EDA: variants seen among roughly 807,000 people sequenced by gnomAD.
EDA encodes ectodysplasin-A.
In EDA, 2 loss-of-function variants were observed where a neutral mutation model predicts 23.6. The ratio of observed to expected loss-of-function variants is 0.08; its 90% CI spans 0.03 to 0.27. EDA has a LOEUF of 0.27. EDA is among the 10% of genes least tolerant of loss of function. The pLI is 1.00. For missense variants in EDA, 229 were observed against 324.2 expected (o/e 0.71, Z 2.26); for synonymous variants, 131 against 132.0 (o/e 0.99, Z 0.05).
intron 1 of EDA, among the ~76,000 whole-genome samples, chrX:69,658,595 TCTCAACATCA>T (rs957840443): frequency 9.0e-6 from 1 of 111,369 alleles, no homozygotes; most frequent in Admixed American, 9.7e-5. Context: ...CTTCTCAAAC[TCTCAACATCA>T]CTGCCCACAT....
intron 2 of EDA, among the ~76,000 whole-genome samples, chrX:69,982,840 T>C (rs2019433019): frequency 1.2e-5 from 1 of 81,453 alleles, no homozygotes; most frequent in Non-Finnish European, 2.4e-5. Flanking sequence ...TTGATCTGTC[T>C]AATGTTGACA....
intron 1 of EDA, among the ~76,000 whole-genome samples, chrX:69,642,181 A>G (rs767851621): frequency 3.6e-5 from 4 of 111,122 alleles, no homozygotes; most frequent in Non-Finnish European, 7.6e-5. Context: ...GCAATGTCCT[A>G]TAGTGCAAAA....
chrX:69,994,980 A>C (rs1255686055), intron 2 of EDA, among the ~76,000 whole-genome samples: 1 of 112,514 alleles, frequency 8.9e-6, no homozygotes, highest in Non-Finnish European at 1.9e-5. Context: ...AGTATCAAAT[A>C]AAATGGGAAC....
intron 2 of EDA, among the ~76,000 whole-genome samples, chrX:69,993,572 T>G (rs2019618935): frequency 8.9e-6 from 1 of 112,429 alleles, no homozygotes; most frequent in African/African-American, 3.2e-5. Context: ...TAAATTCAGG[T>G]CTGTCTGATT....
chrX:69,655,113 A>C (rs1248976696), intron 1 of EDA, among the ~76,000 whole-genome samples: 1 of 112,067 alleles, frequency 8.9e-6, no homozygotes. Flanking sequence ...ATAAAACAAT[A>C]GGCTGGGCGC....
intron 1 of EDA, among the ~76,000 whole-genome samples, chrX:69,699,211 G>C (rs776773162): frequency 1.8e-5 from 2 of 111,624 alleles, no homozygotes; most frequent in Non-Finnish European, 3.8e-5. Context: ...ACCCGACATG[G>C]AAAGAGTTGT....
At chrX:69,636,446 C>T (rs923447618) in intron 1 of EDA, among the ~76,000 whole-genome samples, 15 of 109,921 alleles carry the variant, frequency 1.4e-4, no homozygotes, top group Admixed American at 1.2e-3. Flanking sequence ...TCAGGTATTA[C>T]TTTATAGTAA....
At chrX:69,863,623 GTA>G in intron 1 of EDA, among the ~76,000 whole-genome samples, 1 of 72,015 alleles carries the variant, frequency 1.4e-5, no homozygotes, top group Admixed American at 1.5e-4. Context: ...ATATATGTGT[GTA>G]TTTATGTGTG....
At chrX:69,616,747 G>T (rs1931974178) in intron 1 of EDA, 43 bp downstream of exon 1, 1 of 1,207,585 alleles carries the variant, frequency 8.3e-7, no homozygotes. Context: ...CTCCCCTCGC[G>T]GGTAGGGCGA....
chrX:70,018,361 A>G (rs2019981692), intron 2 of EDA, among the ~76,000 whole-genome samples: 1 of 112,305 alleles, frequency 8.9e-6, no homozygotes. Flanking sequence ...TTTAAAATTC[A>G]TATGGAACCA....
rs1288062110 is a variant in EDA, at chrX:70,039,252, C to G, written c.*3643C>G. ...TTTCAGGACTCTCTCCAGGAGGGCT[C>G]GGGGTGTGTCATTTCTATATTCCTC... On this transcript the variant is annotated 3_prime_UTR_variant, in exon 8 of 8. Coordinates refer to ENST00000374552, the MANE Select transcript of EDA (RefSeq NM_001399.5). The G allele has an allele frequency of 9.0e-6, 1 of 111,356 alleles. No individual in the cohort carries two copies. The highest frequency in any genetic ancestry group is 1.9e-5 in the Non-Finnish European group (1 of 53,027). 9.2% of individuals were successfully genotyped at this position (111,356 alleles called of 1,213,427 possible). A position where few individuals can be genotyped will look rare whatever the true frequency, so the allele number is the denominator to read the frequency against.
chrX:69,626,666 T>G (rs988349173), intron 1 of EDA, among the ~76,000 whole-genome samples: 1 of 111,346 alleles, frequency 9.0e-6, no homozygotes, highest in African/African-American at 3.3e-5. Flanking sequence ...TAACTGAATA[T>G]GGGCATAAGG....
At chrX:69,743,532 A>G (rs1487990236) in intron 1 of EDA, among the ~76,000 whole-genome samples, 6 of 111,943 alleles carry the variant, frequency 5.4e-5, no homozygotes, top group Non-Finnish European at 1.1e-4. Context: ...GGCTAAGATC[A>G]TGTAACAAGT....
chrX:69,802,279 C>A (rs2015709381), intron 1 of EDA, among the ~76,000 whole-genome samples: 1 of 109,020 alleles, frequency 9.2e-6, no homozygotes, highest in African/African-American at 3.3e-5. Context: ...TATAATGGAA[C>A]AGTTTATATA....
At chrX:69,855,267 G>A (rs2017220593) in intron 1 of EDA, among the ~76,000 whole-genome samples, 2 of 111,618 alleles carry the variant, frequency 1.8e-5, no homozygotes, top group Admixed American at 9.5e-5. Context: ...CTGTTCACTC[G>A]GTTGATAGTT....
At chrX:69,828,977 C>A (rs1435041017) in intron 1 of EDA, among the ~76,000 whole-genome samples, 1 of 112,326 alleles carries the variant, frequency 8.9e-6, no homozygotes, top group East Asian at 2.8e-4. Flanking sequence ...GCCATCGTTT[C>A]AGAAAGGGAT....
At chrX:69,771,616 G>A (rs1268632311) in intron 1 of EDA, among the ~76,000 whole-genome samples, 2 of 111,775 alleles carry the variant, frequency 1.8e-5, no homozygotes, top group Non-Finnish European at 3.8e-5. Context: ...AAACAACTAC[G>A]TGAATATGCA....
At chrX:69,720,319 C>T (rs1226995380) in intron 1 of EDA, among the ~76,000 whole-genome samples, 1 of 111,554 alleles carries the variant, frequency 9.0e-6, no homozygotes, top group Non-Finnish European at 1.9e-5. Context: ...TTTTAGATTT[C>T]AAAATTTTAA....
intron 1 of EDA, among the ~76,000 whole-genome samples, chrX:69,644,861 A>G (rs961293653): frequency 6.3e-5 from 7 of 111,579 alleles, no homozygotes; most frequent in African/African-American, 9.8e-5. Context: ...TTCTGCATCT[A>G]TTGAGATAAT....
Sources: allele counts gnomAD v4.1 joint callset (sites outside exome capture counted in the v4.1 genomes callset), GRCh38; gene constraint gnomAD v4.1.1; transcripts MANE v1.5; gene names NCBI Gene and HGNC (gene_info 2026-07-23, HGNC 2026-07-21).